The following TPCN2 variants were observed in gnomAD, a reference collection of about 807,000 sequenced individuals.
The protein encoded by TPCN2 is two pore segment channel 2, also known as two pore channel protein 2.
A neutral mutation model predicts 111.4 loss-of-function variants in TPCN2; 92 were observed. The ratio of observed to expected loss-of-function variants is 0.83; its 90% CI spans 0.70 to 0.98. The LOEUF (loss-of-function observed/expected upper bound fraction) is 0.98, where lower values mean the gene tolerates loss of function less well. Ranked by LOEUF, TPCN2 falls within the 50% of genes least tolerant of loss-of-function variation. TPCN2 has a pLI of 0.00. For synonymous variants in TPCN2, 405 were observed against 414.5 expected, an observed-to-expected ratio of 0.98 and a Z score of 0.28; for missense variants, 995 against 980.1, an observed-to-expected ratio of 1.02 and a Z score of -0.20.
intron 1 of TPCN2, among the ~76,000 whole-genome samples, chr11:69,050,410 C>CT (rs1433895321): frequency 6.6e-6 from 1 of 152,244 alleles, no homozygotes; most frequent in East Asian, 1.9e-4. Context: ...GAGTATCACT[C>CT]TGTCACCCAG....
rs200172503 is a variant in TPCN2, at chr11:69,055,333, C to T, written c.410C>T (p.Ala137Val). 28 of 1,610,228 alleles carry T rather than the reference C, an allele frequency of 1.7e-5. No homozygotes were observed. The highest frequency in any genetic ancestry group is 6.7e-5 in the East Asian group (3 of 44,842). ...GAGGTGCTCTGCCTGCTGGTCTTTG[C>T]GGCCGACCTCTCTGTGAAGGTGAGG... ...SVEVLCLLVF[A>V]ADLSVKGYLF... The change falls in exon 4 of 25, where the codon GCG becomes GTG. Residue 137 changes from alanine (A) to valine (V), a missense_variant. Transcript: ENST00000294309.
intron 19 of TPCN2, 55 bp from the exon 20 acceptor site, chr11:69,085,155 G>T: frequency 2.0e-6 from 3 of 1,505,030 alleles, no homozygotes; most frequent in Non-Finnish European, 2.8e-6. Flanking sequence ...GGGGAGGGTG[G>T]TGGTGGGTGC....
intron 22 of TPCN2, 36 bp downstream of exon 22, chr11:69,085,966 G>A (rs374436050): frequency 3.6e-5 from 57 of 1,592,658 alleles, no homozygotes; most frequent in Admixed American, 5.1e-5. Flanking sequence ...GTGATTCTCC[G>A]TGCAGCCTGG....
intron 13 of TPCN2, among the ~76,000 whole-genome samples, chr11:69,077,202 T>C (rs1217295663): frequency 3.5e-5 from 4 of 114,924 alleles, no homozygotes; most frequent in African/African-American, 7.0e-5. Context: ...CCTCCTGCCA[T>C]GTCCCTCCAC....
At chr11:69,072,830 G>A in intron 12 of TPCN2, 85 bp from the exon 13 acceptor site, 1 of 1,521,854 alleles carries the variant, frequency 6.6e-7, no homozygotes, top group Non-Finnish European at 9.1e-7. Context: ...AGCCCGTCAG[G>A]GTGGGGTTGG....
In TPCN2 at chr11:69,088,792, G is replaced by C. The variant is rs1312259245; in HGVS notation, c.*839G>C. On this transcript the variant is annotated 3_prime_UTR_variant, in exon 25 of 25. Coordinates refer to ENST00000294309, the MANE Select transcript of TPCN2 (RefSeq NM_139075.4). ...GTGGAAAGCCTTGTTGTCACCTGAA[G>C]CACGCCAGGTCCAGATTGACCAATG... 6.6e-6 allele frequency: 1 copy of C among 152,184 alleles called. No homozygotes were observed. Among genetic ancestry groups the C allele is most frequent in the Admixed American group, 6.5e-5 (1 of 15,268 alleles). The allele number at this position is 152,184 out of a possible 1,614,324, so 9.4% of individuals were successfully genotyped here.
chr11:69,075,857 A>G (rs1855730394), intron 13 of TPCN2, among the ~76,000 whole-genome samples: 1 of 152,214 alleles, frequency 6.6e-6, no homozygotes, highest in African/African-American at 2.4e-5. Context: ...TTCATTATAG[A>G]CAACAGAGGG....
At chr11:69,056,881 A>C (rs1854797220) in intron 4 of TPCN2, among the ~76,000 whole-genome samples, 1 of 151,050 alleles carries the variant, frequency 6.6e-6, no homozygotes, top group African/African-American at 2.4e-5. Context: ...TCTGTCGCCC[A>C]GGCTAGGGTG....
chr11:69,070,377 A>G, intron 8 of TPCN2, 53 bp from the exon 9 acceptor site: 1 of 1,370,920 alleles, frequency 7.3e-7, no homozygotes, highest in Non-Finnish European at 1.0e-6. Context: ...TCAGGATGGG[A>G]GTGGGATCAG....
intron 12 of TPCN2, 29 bp downstream of exon 12, chr11:69,072,737 T>C (rs1234933961): frequency 2.5e-6 from 4 of 1,612,758 alleles, no homozygotes; most frequent in Middle Eastern, 1.7e-4. Context: ...CAGCCTCCTC[T>C]GGGCTCCTCC....
chr11:69,082,217 A>G (rs948180347), intron 18 of TPCN2, among the ~76,000 whole-genome samples: 1 of 152,184 alleles, frequency 6.6e-6, no homozygotes, highest in African/African-American at 2.4e-5. Context: ...ACACGCGCAC[A>G]CGTGTTCACA....
At chr11:69,083,327 C>T (rs1856126513) in intron 18 of TPCN2, 2 of 154,214 alleles carry the variant, frequency 1.3e-5, no homozygotes, top group South Asian at 2.0e-4. Context: ...GCTGACTGGT[C>T]TCCACTGTGG....
chr11:69,051,152 G>A (rs1412152438), intron 1 of TPCN2, among the ~76,000 whole-genome samples: 1 of 152,270 alleles, frequency 6.6e-6, no homozygotes. Context: ...TGTGGTGAGG[G>A]CTGCTGCTGT....
chr11:69,076,345 C>T (rs901678149), intron 13 of TPCN2, among the ~76,000 whole-genome samples: 3 of 152,268 alleles, frequency 2.0e-5, no homozygotes, highest in African/African-American at 2.4e-5. Flanking sequence ...CGAGGGAATT[C>T]GGTGCCAGTG....
At chr11:69,056,780 C>G (rs915132894) in intron 4 of TPCN2, among the ~76,000 whole-genome samples, 4 of 152,076 alleles carry the variant, frequency 2.6e-5, no homozygotes, top group African/African-American at 9.7e-5. Flanking sequence ...ATCTGCCCGC[C>G]TCGGCCTCCC....
intron 24 of TPCN2, 59 bp from the exon 25 acceptor site, chr11:69,087,816 G>A: frequency 1.4e-6 from 2 of 1,416,490 alleles, no homozygotes; most frequent in Non-Finnish European, 9.8e-7. Flanking sequence ...GTTCTTGTGG[G>A]CAGGCCAGGG....
At chr11:69,062,806 G>A (rs570909704) in intron 5 of TPCN2, 78 bp from the exon 6 acceptor site, 25 of 1,365,184 alleles carry the variant, frequency 1.8e-5, no homozygotes, top group South Asian at 1.1e-4. Flanking sequence ...TCTCTGAACC[G>A]TGTGCCCATC....
chr11:69,083,998 G>A lies in TPCN2; in HGVS notation c.1743G>A (p.Ala581=), dbSNP rs896973. 4.3e-6 allele frequency: 7 copies of A among 1,613,810 alleles called. No homozygotes were observed. In the East Asian group the frequency reaches 6.7e-5, roughly 15 times the overall value. The change falls in exon 19 of 25, where the codon GCG becomes GCA. Residue 581 remains alanine (A), a synonymous_variant. Coordinates refer to ENST00000294309, the MANE Select transcript of TPCN2 (RefSeq NM_139075.4). ...TGGGCCTGGTGCAGAACATGCGTGC[G>A]TTTGGCGGGATCCTGGTGGTGAGTC... ...TVLGLVQNMR[A]FGGILVVVYY... is the part of the protein sequence containing the mutation.
chr11:69,062,302 C>T (rs143787876), intron 5 of TPCN2, among the ~76,000 whole-genome samples: 4 of 152,242 alleles, frequency 2.6e-5, no homozygotes, highest in African/African-American at 9.6e-5. Context: ...TCAGATTCAA[C>T]GTGAGATTTG....
Sources: gnomAD v4.1 joint callset for allele counts (sites outside exome capture counted in the v4.1 genomes callset) on GRCh38, gnomAD v4.1.1 for gene constraint, MANE v1.5 for transcripts, NCBI Gene and HGNC (gene_info 2026-07-23, HGNC 2026-07-21) for gene names.